INSC: variants seen among roughly 807,000 people sequenced by gnomAD.
INSC encodes the protein protein inscuteable homolog.
INSC carries 67 observed loss-of-function variants against 58.6 expected under a neutral mutation model. The observed-to-expected ratio is 1.14, with a 90% CI of 0.94 to 1.40. The LOEUF is 1.40. Ranked by LOEUF, INSC falls within the 40% of genes most tolerant of loss-of-function variation. The pLI is 0.00. For synonymous variants in INSC, 262 were observed against 276.1 expected (o/e 0.95, Z 0.51); for missense variants, 714 against 692.0 (o/e 1.03, Z -0.36).
At chr11:15,154,789 G>A (rs1310450969) in intron 2 of INSC, among the ~76,000 whole-genome samples, 1 of 145,316 alleles carries the variant, frequency 6.9e-6, no homozygotes, top group South Asian at 2.2e-4. Flanking sequence ...AATAAGTTTT[G>A]AATGCTTTTG....
chr11:15,158,860 G>GTATTTTTTT (rs1554907670), intron 2 of INSC, among the ~76,000 whole-genome samples: 1 of 109,706 alleles, frequency 9.1e-6, no homozygotes, highest in Non-Finnish European at 1.8e-5. Context: ...ATTGTTGGTG[G>GTATTTTTTT]TTTTTTTTTT....
intron 5 of INSC, among the ~76,000 whole-genome samples, chr11:15,178,682 C>T (rs1024637174): frequency 2.0e-5 from 3 of 152,180 alleles, no homozygotes; most frequent in Non-Finnish European, 4.4e-5. Flanking sequence ...AAAACTGGAG[C>T]CCAGAGTGGG....
the INSC span, among the ~76,000 whole-genome samples, chr11:15,269,260 T>TTA: frequency 6.6e-6 from 1 of 152,078 alleles, no homozygotes; most frequent in Non-Finnish European, 1.5e-5. Flanking sequence ...TCTTTGCCTA[T>TTA]TATATATTAA....
intron 6 of INSC, among the ~76,000 whole-genome samples, chr11:15,197,193 C>T (rs1850403641): frequency 6.6e-6 from 1 of 152,154 alleles, no homozygotes; most frequent in Non-Finnish European, 1.5e-5. Context: ...GGATTTTAAC[C>T]AGGTCTACAG....
chr11:15,246,668 G>A lies in INSC; in HGVS notation c.*628G>A, dbSNP rs1398732933. On this transcript the variant is annotated 3_prime_UTR_variant, in exon 13 of 13. Coordinates refer to ENST00000379556, the MANE Select transcript of INSC (RefSeq NM_001042536.3). ...TGTATAAATAGGTTAAGTTCTGAGT[G>A]ACTTAGTGAGAAACCAAAGTGACTT... is the stretch of plus-strand genomic sequence containing the variant. The A allele has an allele frequency of 6.6e-6, 1 of 152,454 alleles. No homozygotes were observed. Among genetic ancestry groups the A allele is most frequent in the East Asian group, 1.9e-4 (1 of 5,198 alleles). The allele number at this position is 152,454 out of a possible 1,614,324, so 9.4% of individuals were successfully genotyped here. A position where few individuals can be genotyped will look rare whatever the true frequency, so the allele number is the denominator to read the frequency against.
At chr11:15,168,981 G>A (rs1849298085) in intron 2 of INSC, among the ~76,000 whole-genome samples, 1 of 152,262 alleles carries the variant, frequency 6.6e-6, no homozygotes, top group Admixed American at 6.5e-5. Context: ...CTTGCCTAAG[G>A]TCACACAGAT....
intron 5 of INSC, among the ~76,000 whole-genome samples, chr11:15,182,955 G>A (rs771954463): frequency 6.6e-6 from 1 of 152,158 alleles, no homozygotes; most frequent in Non-Finnish European, 1.5e-5. Flanking sequence ...GGAGAATCAA[G>A]CAAAGGAAAA....
rs78897616 is a variant in INSC at position 15,227,696 on chromosome 11, C to T, written c.1170+1868C>T. ...GATTGACTCCTGAGGGGGACATGCC[C>T]CATGCCTACCATAGACATACCCTTG... On this transcript the variant is annotated intron_variant, in intron 9 of 12. Coordinates refer to ENST00000379556, the MANE Select transcript of INSC (RefSeq NM_001042536.3). Among the ~76,000 whole-genome samples the T allele has an allele frequency of 2.7e-3, 409 of 152,298 alleles. 2 individuals carry two copies. The highest frequency in any genetic ancestry group is 9.0e-3 in the African/African-American group (374 of 41,556).
At chr11:15,224,456 T>C (rs1486813283) in intron 8 of INSC, among the ~76,000 whole-genome samples, 1 of 152,236 alleles carries the variant, frequency 6.6e-6, no homozygotes, top group Non-Finnish European at 1.5e-5. Flanking sequence ...GTATAGACTG[T>C]CTGGAGGCAA....
At chr11:15,114,917 G>A (rs61612381), upstream of INSC, 12,818 of 985,316 alleles carry the variant, frequency 0.013, 112 homozygotes, top group South Asian at 0.047. Flanking sequence ...GGCCGGCAGA[G>A]CGGCCACTTT....
chr11:15,183,352 A>C (rs1849847292), intron 5 of INSC, among the ~76,000 whole-genome samples: 1 of 59,714 alleles, frequency 1.7e-5, no homozygotes, highest in Admixed American at 1.5e-4. Context: ...ACTCCATCTC[A>C]AAAAAAAAAA....
chr11:15,220,232 C>T (rs1851385171), intron 7 of INSC, among the ~76,000 whole-genome samples: 1 of 152,188 alleles, frequency 6.6e-6, no homozygotes, highest in Non-Finnish European at 1.5e-5. Context: ...AGGTCTGTGG[C>T]AGGTGTAGGG....
chr11:15,224,883 TG>T (rs1298025711), intron 8 of INSC, among the ~76,000 whole-genome samples: 1 of 152,196 alleles, frequency 6.6e-6, no homozygotes. Flanking sequence ...TTCAGGAGCT[TG>T]GTATAGGACT....
intron 7 of INSC, among the ~76,000 whole-genome samples, chr11:15,203,550 C>T (rs1389077677): frequency 6.6e-6 from 1 of 152,130 alleles, no homozygotes. Flanking sequence ...TGAAAGTATC[C>T]CCATAGTATG....
rs1340392087 is a variant in INSC, at chr11:15,200,874, G to A, written c.744G>A (p.Arg248=). ...AGGTTTGCCGGCAGGACAGTTTCCG[G>A]TGCTTGTACCCCCAGGCGCTCCGCA... ...LFKVCRQDSF[R]CLYPQALRTL... is the part of the protein sequence containing the mutation. Residue 248 remains arginine (R), a synonymous_variant, in exon 7 of 13, where the codon CGG becomes CGA. Coordinates refer to ENST00000379556, the MANE Select transcript of INSC (RefSeq NM_001042536.3). The A allele has an allele frequency of 9.9e-6, 16 of 1,613,926 alleles. No homozygotes were observed. Among genetic ancestry groups the A allele is most frequent in the African/African-American group, 4.0e-5 (3 of 74,926 alleles).
intron 5 of INSC, among the ~76,000 whole-genome samples, chr11:15,185,437 A>G (rs1038642787): frequency 3.3e-5 from 5 of 152,112 alleles, no homozygotes; most frequent in African/African-American, 1.2e-4. Flanking sequence ...TAAAATTTTT[A>G]TAACTTACAA....
chr11:15,149,276 A>G, intron 2 of INSC, 46 bp downstream of exon 2: 1 of 1,431,004 alleles, frequency 7.0e-7, no homozygotes, highest in South Asian at 1.6e-5. Context: ...CCCCATCTGA[A>G]CCGTGACTGA....
chr11:15,260,002 A>ATC, the INSC span, among the ~76,000 whole-genome samples: 1 of 152,078 alleles, frequency 6.6e-6, no homozygotes, highest in African/African-American at 2.4e-5. Context: ...TGGCAGTATG[A>ATC]TCAGTGGGAA....
At position 15,149,141 on chromosome 11, in the gene INSC, C is replaced by T. The variant is rs760942133; in HGVS notation, c.-34C>T. On this transcript the variant is annotated 5_prime_UTR_variant, in exon 2 of 13. Transcript: ENST00000379556. ...CCCTCTATTTTCAGGGTCACGACCG[C>T]TGCAAGCAGGCTTTGCTGCAGATTG... 2 of 1,609,242 alleles carry T rather than the reference C, an allele frequency of 1.2e-6. No individual in the cohort carries two copies. The highest frequency in any genetic ancestry group is 4.5e-5 in the East Asian group (2 of 44,594).
Sources: gnomAD v4.1 joint callset for allele counts (sites outside exome capture counted in the v4.1 genomes callset) on GRCh38, gnomAD v4.1.1 for gene constraint, MANE v1.5 for transcripts, NCBI Gene and HGNC (gene_info 2026-07-23, HGNC 2026-07-21) for gene names.